Variants in SLCO3A1 observed in about 807,000 individuals in gnomAD.
SLCO3A1 encodes the protein solute carrier organic anion transporter family member 3A1, also known as PGE1 transporter.
A neutral mutation model predicts 63.1 loss-of-function variants in SLCO3A1; 27 were observed. The ratio of observed to expected loss-of-function variants is 0.43; its 90% CI spans 0.32 to 0.59. The LOEUF (loss-of-function observed/expected upper bound fraction) is 0.59. SLCO3A1 is among the 20% of genes least tolerant of loss of function. The pLI is 0.09. For missense variants in SLCO3A1, 773 were observed against 945.8 expected, an observed-to-expected ratio of 0.82 and a Z score of 2.40; for synonymous variants, 473 against 409.9, an observed-to-expected ratio of 1.15 and a Z score of -1.86.
At chr15:92,002,869 T>C (rs916352888) in intron 2 of SLCO3A1, among the ~76,000 whole-genome samples, 10 of 152,328 alleles carry the variant, frequency 6.6e-5, no homozygotes, top group African/African-American at 2.4e-4. Flanking sequence ...TGACTCAGTA[T>C]AGGATCATTT....
intron 2 of SLCO3A1, among the ~76,000 whole-genome samples, chr15:91,969,494 A>G (rs1430064041): frequency 6.6e-6 from 1 of 151,902 alleles, no homozygotes; most frequent in East Asian, 1.9e-4. Context: ...TTAGTAAAGT[A>G]GGGGGTTTCT....
intron 2 of SLCO3A1, among the ~76,000 whole-genome samples, chr15:92,034,827 A>T (rs28656147): frequency 6.6e-6 from 1 of 151,820 alleles, no homozygotes; most frequent in African/African-American, 2.4e-5. Flanking sequence ...TGGCCAGTGA[A>T]AATAACGCTT....
chr15:92,161,781 C>T (rs1004805929), intron 9 of SLCO3A1: 2 of 147,752 alleles, frequency 1.4e-5, no homozygotes, highest in African/African-American at 5.1e-5. Context: ...AGTATGCCGG[C>T]GCTTTGCAGT....
chr15:91,901,904 AT>A (rs34452637), intron 1 of SLCO3A1, among the ~76,000 whole-genome samples: 69,135 of 147,700 alleles, frequency 0.47, 16,258 homozygotes, highest in East Asian at 0.78. Flanking sequence ...TATTTCTTCA[AT>A]TTTTTTTTCT....
At chr15:91,961,244 G>A (rs553639967) in intron 2 of SLCO3A1, among the ~76,000 whole-genome samples, 3 of 152,364 alleles carry the variant, frequency 2.0e-5, no homozygotes, top group Admixed American at 1.3e-4. Context: ...ATTTTTGGCT[G>A]CCTGCTGGCA....
intron 2 of SLCO3A1, among the ~76,000 whole-genome samples, chr15:91,984,893 T>A (rs984161242): frequency 1.3e-5 from 2 of 152,242 alleles, no homozygotes; most frequent in African/African-American, 4.8e-5. Flanking sequence ...TTTGGTGTTG[T>A]GTTTGTATTA....
At chr15:92,072,202 G>GT (rs1192107638) in intron 2 of SLCO3A1, among the ~76,000 whole-genome samples, 149 of 148,948 alleles carry the variant, frequency 1.0e-3, no homozygotes, top group Admixed American at 2.3e-3. Context: ...CTTTTTTTTG[G>GT]TTTTTTTTTT....
At chr15:91,994,237 A>T (rs1433363522) in intron 2 of SLCO3A1, among the ~76,000 whole-genome samples, 1 of 152,212 alleles carries the variant, frequency 6.6e-6, no homozygotes, top group African/African-American at 2.4e-5. Context: ...TCCTCATAAC[A>T]ACTCTTCAAA....
intron 1 of SLCO3A1, among the ~76,000 whole-genome samples, chr15:91,909,554 G>A (rs150264190): frequency 7.5e-4 from 114 of 152,266 alleles, no homozygotes; most frequent in Non-Finnish European, 1.2e-3. Context: ...CCCTGACATG[G>A]GCCCTGCTGC....
At chr15:92,156,740 G>A (rs1429082561) in intron 9 of SLCO3A1, among the ~76,000 whole-genome samples, 1 of 152,206 alleles carries the variant, frequency 6.6e-6, no homozygotes, top group Non-Finnish European at 1.5e-5. Flanking sequence ...AATTCCACCA[G>A]GTTGAATAGA....
chr15:92,069,036 G>T (rs865916317), intron 2 of SLCO3A1, among the ~76,000 whole-genome samples: 1 of 152,090 alleles, frequency 6.6e-6, no homozygotes, highest in African/African-American at 2.4e-5. Context: ...TAAGACCGAG[G>T]TTCTTCCCCT....
Position 91,854,578 on chromosome 15 carries a change from C to T in SLCO3A1, c.180+490C>T, listed in dbSNP as rs752151649. On this transcript the variant is annotated intron_variant, in intron 1 of 9. Coordinates refer to ENST00000318445, the MANE Select transcript of SLCO3A1 (RefSeq NM_013272.4). The surrounding 1 kb of genome is among the most constrained non-coding windows in gnomAD (Gnocchi z 6.4). ...ATTTTCTCCGGGCGCTTTCTACATC[C>T]GCCAATTACAGGGGGATATAACAGC... Among the ~76,000 whole-genome samples the T allele has an allele frequency of 6.6e-6, 1 of 152,092 alleles. No individual in the cohort carries two copies. The highest frequency in any genetic ancestry group is 1.5e-5 in the Non-Finnish European group (1 of 68,016).
intron 2 of SLCO3A1, among the ~76,000 whole-genome samples, chr15:91,979,678 C>G (rs55934923): frequency 0.06 from 9,099 of 152,224 alleles, 401 homozygotes; most frequent in Non-Finnish European, 0.091. Flanking sequence ...GAGCAAGAGG[C>G]TTTATCTCAT....
At chr15:91,934,583 G>A (rs563601030) in intron 2 of SLCO3A1, among the ~76,000 whole-genome samples, 3 of 152,190 alleles carry the variant, frequency 2.0e-5, no homozygotes, top group Non-Finnish European at 2.9e-5. Context: ...TCTAGCCATA[G>A]CAAAAAGAGT....
At chr15:91,979,963 T>G (rs1244522207) in intron 2 of SLCO3A1, among the ~76,000 whole-genome samples, 5 of 152,188 alleles carry the variant, frequency 3.3e-5, no homozygotes, top group Non-Finnish European at 7.3e-5. Flanking sequence ...GAGCTTCACT[T>G]AAGCAAGCAA....
In SLCO3A1 at chr15:91,961,475, T is replaced by C. The variant is rs528988272; in HGVS notation, c.646+45017T>C. Among the ~76,000 whole-genome samples the C allele has an allele frequency of 4.6e-5, 7 of 152,302 alleles. No individual in the cohort carries two copies. The South Asian group carries it at 1.2e-3, about 27-fold the overall frequency. On this transcript the variant is annotated intron_variant, in intron 2 of 9. Transcript: ENST00000318445. Reference sequence around the variant, plus strand: ...ACTCTGAGGAAAGGAAAACAGGGCATATGTCAGGCAATGAGGTTGATTAAA... The same window carrying C: ...ACTCTGAGGAAAGGAAAACAGGGCACATGTCAGGCAATGAGGTTGATTAAA...
intron 2 of SLCO3A1, among the ~76,000 whole-genome samples, chr15:91,945,886 G>A (rs1668556549): frequency 6.6e-6 from 1 of 152,192 alleles, no homozygotes; most frequent in Non-Finnish European, 1.5e-5. Flanking sequence ...AGTTCCTGAT[G>A]GATTGTGATG....
In SLCO3A1 at chr15:91,854,386, C is replaced by T; in HGVS notation, c.180+298C>T. The T allele has an allele frequency of 2.0e-6, 2 of 998,060 alleles. No homozygotes were observed. The highest frequency in any genetic ancestry group is 2.4e-6 in the Non-Finnish European group (2 of 848,244). The allele number at this position is 998,060 out of a possible 1,614,324, so 61.8% of individuals were successfully genotyped here. A position where few individuals can be genotyped will look rare whatever the true frequency, so the allele number is the denominator to read the frequency against. The stretch of plus-strand genomic sequence containing the variant: ...CAGGTGGGCGTGAAACTATTCCTCT[C>T]CCCCCATAAGAGCGGAGCGAGACGG... On this transcript the variant is annotated intron_variant, in intron 1 of 9. Coordinates refer to ENST00000318445, the MANE Select transcript of SLCO3A1 (RefSeq NM_013272.4). The surrounding 1 kb of genome is among the most constrained non-coding windows in gnomAD (Gnocchi z 6.4).
At chr15:92,081,350 T>C (rs1207469957) in intron 2 of SLCO3A1, among the ~76,000 whole-genome samples, 1 of 151,916 alleles carries the variant, frequency 6.6e-6, no homozygotes, top group Non-Finnish European at 1.5e-5. Flanking sequence ...GCTTTTTTTT[T>C]TCTTTTTCTC....
Sources: allele counts gnomAD v4.1 joint callset (sites outside exome capture counted in the v4.1 genomes callset), GRCh38; gene constraint gnomAD v4.1.1; non-coding constraint Gnocchi (gnomAD v3.1); transcripts MANE v1.5; gene names NCBI Gene and HGNC (gene_info 2026-07-23, HGNC 2026-07-21).